Variants in TMEM108 observed in about 807,000 individuals in gnomAD.
TMEM108 encodes cancer/testis antigen 124.
TMEM108 carries 12 observed loss-of-function variants against 35.1 expected under a neutral mutation model. The ratio of observed to expected loss-of-function variants is 0.34; its 90% CI spans 0.22 to 0.55. The LOEUF is 0.55. TMEM108 is among the 20% of genes least tolerant of loss of function. The pLI, the probability that TMEM108 is intolerant of heterozygous loss-of-function variation, is 0.89. For missense variants in TMEM108, 680 were observed against 753.3 expected (o/e 0.90, Z 1.14); for synonymous variants, 287 against 308.6 (o/e 0.93, Z 0.73).
intron 2 of TMEM108, among the ~76,000 whole-genome samples, chr3:133,227,220 A>C (rs1329261318): frequency 8.3e-6 from 1 of 120,262 alleles, no homozygotes; most frequent in African/African-American, 3.2e-5. Context: ...TTTGAGACAG[A>C]GTCTCGCTGT....
At chr3:133,065,140 A>G (rs939795156) in intron 2 of TMEM108, among the ~76,000 whole-genome samples, 1 of 152,220 alleles carries the variant, frequency 6.6e-6, no homozygotes, top group African/African-American at 2.4e-5. Flanking sequence ...ATCCTCGAAC[A>G]TAGAGCTATT....
At chr3:133,378,248 C>T (rs905480959) in intron 3 of TMEM108, 6 of 752,914 alleles carry the variant, frequency 8.0e-6, no homozygotes, top group Non-Finnish European at 9.7e-6. Context: ...GACACAGGCC[C>T]ATGCCCAGGC....
intron 2 of TMEM108, among the ~76,000 whole-genome samples, chr3:133,160,880 A>G (rs1944952397): frequency 6.6e-6 from 1 of 152,110 alleles, no homozygotes; most frequent in Non-Finnish European, 1.5e-5. Context: ...ATTTGATGCA[A>G]AGCATGATGT....
At chr3:133,218,332 A>G (rs1378549269) in intron 2 of TMEM108, among the ~76,000 whole-genome samples, 2 of 152,004 alleles carry the variant, frequency 1.3e-5, no homozygotes, top group Middle Eastern at 3.2e-3. Flanking sequence ...TATATATAAT[A>G]TTATGTCATC....
chr3:133,264,540 A>G (rs1028897475), intron 3 of TMEM108, among the ~76,000 whole-genome samples: 6 of 152,244 alleles, frequency 3.9e-5, no homozygotes, highest in Non-Finnish European at 8.8e-5. Context: ...ACCGTTTTGT[A>G]GCAAAGATAG....
intron 3 of TMEM108, among the ~76,000 whole-genome samples, chr3:133,298,221 T>G (rs1272962468): frequency 6.6e-6 from 1 of 152,166 alleles, no homozygotes; most frequent in Non-Finnish European, 1.5e-5. Flanking sequence ...AGGATTCTAT[T>G]AACTCTCTGG....
At chr3:133,047,530 C>G (rs927524071) in intron 2 of TMEM108, among the ~76,000 whole-genome samples, 4 of 151,914 alleles carry the variant, frequency 2.6e-5, no homozygotes, top group African/African-American at 4.8e-5. Context: ...CACTTTGAGC[C>G]AGGCAATTCT....
chr3:133,062,644 C>G (rs1038719705), intron 2 of TMEM108, among the ~76,000 whole-genome samples: 1 of 152,188 alleles, frequency 6.6e-6, no homozygotes, highest in African/African-American at 2.4e-5. Flanking sequence ...AGTCTAAAAT[C>G]TGGTGATGTT....
rs199816073 is a variant in TMEM108 at position 133,108,981 on chromosome 3, TATA to T, written c.-47+62975_-47+62977del. ...TGCACATGTACCCTACAACTTAAAA[TATA>T]ATAATAATAATAAAAAAGTTGTTCG... On this transcript the variant is annotated intron_variant, in intron 2 of 5. Coordinates refer to ENST00000321871, the MANE Select transcript of TMEM108 (RefSeq NM_023943.4). 5.9e-5 allele frequency among the ~76,000 whole-genome samples: 9 copies of T among 151,988 alleles called. No homozygotes were observed. The South Asian group carries it at 1.2e-3, about 21-fold the overall frequency.
intron 2 of TMEM108, among the ~76,000 whole-genome samples, chr3:133,132,439 A>G (rs1944503221): frequency 6.6e-6 from 1 of 152,212 alleles, no homozygotes; most frequent in African/African-American, 2.4e-5. Context: ...TGCTTTATAA[A>G]CGGAACAACA....
chr3:133,199,998 T>G (rs1945637892), intron 2 of TMEM108, among the ~76,000 whole-genome samples: 1 of 152,190 alleles, frequency 6.6e-6, no homozygotes, highest in South Asian at 2.1e-4. Flanking sequence ...CACTGCCACC[T>G]TGCAGTTCGA....
At chr3:133,205,119 G>A (rs1344914699) in intron 2 of TMEM108, among the ~76,000 whole-genome samples, 1 of 133,668 alleles carries the variant, frequency 7.5e-6, no homozygotes, top group Admixed American at 8.3e-5. Context: ...GACTAGGATT[G>A]CAACCCCTGC....
At position 133,346,869 on chromosome 3, in the gene TMEM108, T is replaced by C. The variant is rs1013702551; in HGVS notation, c.41-32883T>C. ...TCATGTTTTGCATGTGGATGTCCAG[T>C]TGTCCTGGCACCGTTTATTGAACAA... On this transcript the variant is annotated intron_variant, in intron 3 of 5. Coordinates refer to ENST00000321871, the MANE Select transcript of TMEM108 (RefSeq NM_023943.4). This position sits in a 1 kb window ranked among gnomAD's most constrained non-coding sequence, Gnocchi z 4.0. Among the ~76,000 whole-genome samples, 7 of 152,134 alleles carry C rather than the reference T, an allele frequency of 4.6e-5. No homozygotes were observed. The highest frequency in any genetic ancestry group is 1.7e-4 in the African/African-American group (7 of 41,468).
intron 3 of TMEM108, among the ~76,000 whole-genome samples, chr3:133,314,413 A>G (rs1559901876): frequency 6.6e-6 from 1 of 152,218 alleles, no homozygotes; most frequent in Non-Finnish European, 1.5e-5. Context: ...CTTTTAGATT[A>G]TTAGCTGTGA....
intron 3 of TMEM108, among the ~76,000 whole-genome samples, chr3:133,273,555 C>T (rs778622849): frequency 1.3e-5 from 2 of 152,160 alleles, no homozygotes; most frequent in Non-Finnish European, 2.9e-5. Flanking sequence ...GGGTCCCTCT[C>T]CCTGAACTTT....
intron 2 of TMEM108, among the ~76,000 whole-genome samples, chr3:133,178,152 T>G (rs1243137254): frequency 6.6e-6 from 1 of 151,840 alleles, no homozygotes; most frequent in Non-Finnish European, 1.5e-5. Context: ...CACTGCTCAA[T>G]GAAATAAAAG....
At chr3:133,278,311 A>G (rs1179021674) in intron 3 of TMEM108, among the ~76,000 whole-genome samples, 1 of 152,244 alleles carries the variant, frequency 6.6e-6, no homozygotes, top group Non-Finnish European at 1.5e-5. Flanking sequence ...GTGATTTTAA[A>G]GCAGTCCATT....
chr3:133,157,039 C>T (rs1944891954), intron 2 of TMEM108, among the ~76,000 whole-genome samples: 1 of 152,168 alleles, frequency 6.6e-6, no homozygotes, highest in African/African-American at 2.4e-5. Flanking sequence ...GTTACTGCAA[C>T]ATAATTTCCT....
intron 2 of TMEM108, among the ~76,000 whole-genome samples, chr3:133,107,215 A>G (rs1484296860): frequency 2.0e-5 from 3 of 152,142 alleles, no homozygotes; most frequent in Non-Finnish European, 4.4e-5. Flanking sequence ...GTCACTAAGA[A>G]ATTAAATACC....
Sources: allele counts gnomAD v4.1 joint callset (sites outside exome capture counted in the v4.1 genomes callset), GRCh38; gene constraint gnomAD v4.1.1; non-coding constraint Gnocchi (gnomAD v3.1); transcripts MANE v1.5; gene names NCBI Gene and HGNC (gene_info 2026-07-23, HGNC 2026-07-21).